Variants in DOCK11 observed in about 807,000 individuals in gnomAD.
DOCK11 encodes dedicator of cytokinesis protein 11.
A neutral mutation model predicts 169.1 loss-of-function variants in DOCK11; 70 were observed. The observed-to-expected ratio is 0.41, with a 90% confidence interval of 0.34 to 0.51. DOCK11 has a LOEUF of 0.51. Among genes scored for constraint, DOCK11 ranks in the 20% least tolerant of loss-of-function variants. DOCK11 has a pLI of 0.10. For synonymous variants in DOCK11, 529 were observed against 541.3 expected (o/e 0.98, Z 0.32); for missense variants, 1,166 against 1,538.8 (o/e 0.76, Z 4.05).
intron 1 of DOCK11, among the ~76,000 whole-genome samples, chrX:118,533,498 A>G (rs1167967027): frequency 1.8e-5 from 2 of 112,074 alleles, no homozygotes; most frequent in Non-Finnish European, 3.8e-5. Context: ...TTACTCCATT[A>G]TCAAGAGCAA....
At chrX:118,566,317 G>A (rs1387912432) in intron 8 of DOCK11, 135 bp downstream of exon 8, 1 of 629,515 alleles carries the variant, frequency 1.6e-6, no homozygotes, top group Admixed American at 4.0e-5. Flanking sequence ...AGTGACTGTG[G>A]AGGTTGATAG....
At chrX:118,507,044 C>G (rs1469073719) in intron 1 of DOCK11, among the ~76,000 whole-genome samples, 2 of 112,505 alleles carry the variant, frequency 1.8e-5, no homozygotes, top group Non-Finnish European at 3.8e-5. Context: ...ACAATCATGC[C>G]TAAATTTGCT....
chrX:118,680,837 C>T (rs905839745), intron 49 of DOCK11, 145 bp downstream of exon 49: 8 of 582,354 alleles, frequency 1.4e-5, no homozygotes, highest in East Asian at 3.6e-5. Context: ...ACAAGCACGT[C>T]CATGTGATAA....
At chrX:118,582,874 A>G (rs2013695675) in intron 14 of DOCK11, among the ~76,000 whole-genome samples, 1 of 112,135 alleles carries the variant, frequency 8.9e-6, no homozygotes, top group Admixed American at 9.4e-5. Flanking sequence ...CAATGTCACG[A>G]TCCTCAAGGA....
chrX:118,678,881 C>A (rs1469845898), intron 48 of DOCK11, among the ~76,000 whole-genome samples: 2 of 111,499 alleles, frequency 1.8e-5, no homozygotes, highest in African/African-American at 6.5e-5. Flanking sequence ...AGCGATCCTC[C>A]CACCTCAGCC....
intron 40 of DOCK11, among the ~76,000 whole-genome samples, chrX:118,648,074 A>G (rs1248998938): frequency 1.5e-5 from 1 of 66,765 alleles, no homozygotes; most frequent in Non-Finnish European, 2.5e-5. Flanking sequence ...AAATTGTAAT[A>G]TATATAATAT....
intron 14 of DOCK11, among the ~76,000 whole-genome samples, chrX:118,584,411 T>C (rs1185673546): frequency 9.6e-6 from 1 of 103,946 alleles, no homozygotes; most frequent in Non-Finnish European, 2.0e-5. Context: ...TGCGTGAATA[T>C]ACAGCAGTTT....
chrX:118,622,465 T>G (rs1255812814), intron 31 of DOCK11, among the ~76,000 whole-genome samples: 2 of 111,519 alleles, frequency 1.8e-5, no homozygotes, highest in Non-Finnish European at 3.8e-5. Flanking sequence ...CAGGCAAAAT[T>G]TTTAACATAT....
chrX:118,622,298 T>A (rs771068145), intron 31 of DOCK11, among the ~76,000 whole-genome samples: 40 of 112,307 alleles, frequency 3.6e-4, no homozygotes, highest in Non-Finnish European at 2.4e-4. Flanking sequence ...GAAACCATTA[T>A]ACATTTTTCT....
At position 118,609,301 on chromosome X, in the gene DOCK11, A is replaced by C. The variant is rs377256271; in HGVS notation, c.2901A>C (p.Ile967=). ...LLKYSWFFFE[I]IAKSMATYLL... Reference sequence around the variant, plus strand: ...AGTACTCATGGTTTTTCTTTGAAATAATTGCAAAGTCAATGGCCACATACT... The same window carrying C: ...AGTACTCATGGTTTTTCTTTGAAATCATTGCAAAGTCAATGGCCACATACT... The change falls in exon 27 of 53, where the codon ATA becomes ATC. Residue 967 remains isoleucine (I), a synonymous_variant. Transcript: ENST00000276202. The C allele has an allele frequency of 3.3e-6, 4 of 1,197,737 alleles. No individual in the cohort carries two copies. Among genetic ancestry groups the C allele is most frequent in the Non-Finnish European group, 3.4e-6 (3 of 887,685 alleles).
chrX:118,592,007 C>G (rs1412760091), intron 19 of DOCK11, among the ~76,000 whole-genome samples: 1 of 107,227 alleles, frequency 9.3e-6, no homozygotes, highest in Non-Finnish European at 1.9e-5. Context: ...GTATATGTGC[C>G]ACATTTTCTT....
At chrX:118,614,580 A>G (rs1228977679) in intron 28 of DOCK11, 112 bp from the exon 29 acceptor site, 1 of 557,173 alleles carries the variant, frequency 1.8e-6, no homozygotes, top group Non-Finnish European at 2.9e-6. Flanking sequence ...AAAAATAAAA[A>G]TGTCTTTCTT....
At chrX:118,661,539 C>T (rs1019386701) in intron 44 of DOCK11, among the ~76,000 whole-genome samples, 1 of 111,686 alleles carries the variant, frequency 9.0e-6, no homozygotes, top group African/African-American at 3.3e-5. Context: ...AAGTAAAGGT[C>T]ATTATTTGTA....
At chrX:118,632,730 G>C (rs971311143) in intron 35 of DOCK11, 5 of 109,944 alleles carry the variant, frequency 4.5e-5, no homozygotes, top group African/African-American at 1.7e-4. Flanking sequence ...GGATTCTGGA[G>C]AATAAATTTC....
At chrX:118,675,798 G>A in intron 46 of DOCK11, 138 bp from the exon 47 acceptor site, 1 of 358,778 alleles carries the variant, frequency 2.8e-6, no homozygotes, top group Admixed American at 5.6e-5. Flanking sequence ...TTGTTACAAA[G>A]GGAGATGAGT....
chrX:118,549,581 T>A (rs190359401), intron 6 of DOCK11, among the ~76,000 whole-genome samples: 12 of 111,798 alleles, frequency 1.1e-4, no homozygotes, highest in Non-Finnish European at 2.3e-4. Context: ...TTTGAGACAG[T>A]CTCACTGTGT....
At chrX:118,514,229 G>C (rs1329473450) in intron 1 of DOCK11, among the ~76,000 whole-genome samples, 2 of 109,329 alleles carry the variant, frequency 1.8e-5, no homozygotes, top group Non-Finnish European at 3.8e-5. Context: ...TAAGTTTCCT[G>C]AGGCCCCCCC....
At position 118,608,065 on chromosome X, in the gene DOCK11, G is replaced by A. The variant is rs2014579196; in HGVS notation, c.2682-7G>A. 8.4e-7 allele frequency: 1 copy of A among 1,185,162 alleles called. No homozygotes were observed. The highest frequency in any genetic ancestry group is 1.1e-6 in the Non-Finnish European group (1 of 881,719). Reference sequence around the variant, plus strand: ...TGACATGCTGACTCTTGTGAATGTCGTTTCAGGGTTCTCTTACATATTGTA... The same window carrying A: ...TGACATGCTGACTCTTGTGAATGTCATTTCAGGGTTCTCTTACATATTGTA... On this transcript the variant is annotated splice_polypyrimidine_tract_variant and splice_region_variant and intron_variant, in intron 24 of 52. Transcript: ENST00000276202.
At chrX:118,530,942 C>T (rs781195830) in intron 1 of DOCK11, among the ~76,000 whole-genome samples, 2 of 111,664 alleles carry the variant, frequency 1.8e-5, no homozygotes, top group Non-Finnish European at 3.8e-5. Context: ...TTATAAGATT[C>T]CAGAAGAGCC....
Sources: gnomAD v4.1 joint callset for allele counts (sites outside exome capture counted in the v4.1 genomes callset) on GRCh38, gnomAD v4.1.1 for gene constraint, MANE v1.5 for transcripts, NCBI Gene and HGNC (gene_info 2026-07-23, HGNC 2026-07-21) for gene names.